PPP2R5C: variants seen among roughly 807,000 people sequenced by gnomAD.
PPP2R5C encodes protein phosphatase 2 regulatory subunit B'gamma, also known as serine/threonine-protein phosphatase 2A 56 kDa regulatory subunit gamma isoform.
A neutral mutation model predicts 68.9 loss-of-function variants in PPP2R5C; 7 were observed. That is an observed-to-expected ratio of 0.10 (90% CI 0.06 to 0.19). The LOEUF (loss-of-function observed/expected upper bound fraction) is 0.19, where lower values mean the gene tolerates loss of function less well. PPP2R5C is among the 10% of genes least tolerant of loss of function. The pLI, the probability that PPP2R5C is intolerant of heterozygous loss-of-function variation, is 1.00. For synonymous variants in PPP2R5C, 210 were observed against 222.2 expected (o/e 0.95, Z 0.49); for missense variants, 348 against 641.3 (o/e 0.54, Z 4.94).
intron 2 of PPP2R5C, among the ~76,000 whole-genome samples, chr14:101,785,334 G>A (rs549137805): frequency 1.6e-4 from 24 of 152,124 alleles, no homozygotes; most frequent in Non-Finnish European, 2.5e-4. Context: ...CTATGTTACC[G>A]TTCTGGCATG....
chr14:101,766,585 A>C (rs936344162), intron 2 of PPP2R5C: 2 of 152,242 alleles, frequency 1.3e-5, no homozygotes, highest in African/African-American at 2.4e-5. Context: ...TCCTTGAATG[A>C]CATGTGTTGG....
intron 1 of PPP2R5C, among the ~76,000 whole-genome samples, chr14:101,832,605 T>C (rs2040814517): frequency 6.6e-6 from 1 of 152,082 alleles, no homozygotes; most frequent in Non-Finnish European, 1.5e-5. Flanking sequence ...ATCTCTTTCT[T>C]GGGTTACAAG....
chr14:101,809,088 TTAATA>T (rs1395988516), upstream of PPP2R5C, among the ~76,000 whole-genome samples: 17 of 152,340 alleles, frequency 1.1e-4, no homozygotes, highest in Admixed American at 9.8e-4. Flanking sequence ...TAAAAGGTAT[TTAATA>T]TGTCAGCATA....
chr14:101,789,067 C>T (rs990136720), intron 3 of PPP2R5C, among the ~76,000 whole-genome samples: 16 of 152,084 alleles, frequency 1.1e-4, no homozygotes, highest in Admixed American at 7.2e-4. Flanking sequence ...TTTCTTTTGC[C>T]GTCACCTTAC....
At chr14:101,870,562 A>G in intron 2 of PPP2R5C, among the ~76,000 whole-genome samples, 1 of 152,174 alleles carries the variant, frequency 6.6e-6, no homozygotes, top group South Asian at 2.1e-4. Flanking sequence ...CTTGATAGTA[A>G]ATTTTGAGAT....
intron 1 of PPP2R5C, chr14:101,818,929 G>A: frequency 7.8e-7 from 1 of 1,281,560 alleles, no homozygotes; most frequent in Non-Finnish European, 1.1e-6. Context: ...TTACTCATGA[G>A]CAATGTGTTC....
Position 101,777,504 on chromosome 14 carries a change from C to A in PPP2R5C, c.94-8514C>A, listed in dbSNP as rs1038773358. ...AGCTGGGATTACAGGCAAGCACCACCATGCCCGGCTAATTTTTGTATTCTT... is the reference window on the plus strand; with the variant it reads ...AGCTGGGATTACAGGCAAGCACCACAATGCCCGGCTAATTTTTGTATTCTT... On this transcript the variant is annotated intron_variant, in intron 2 of 14. Transcript: ENST00000328724. Among the ~76,000 whole-genome samples, 51 of 151,992 alleles carry A rather than the reference C, an allele frequency of 3.4e-4. 3 individuals are homozygous for A. Among genetic ancestry groups the A allele is most frequent in the Admixed American group, 2.6e-4 (4 of 15,272 alleles).
At position 101,852,405 on chromosome 14, in the gene PPP2R5C, T is replaced by C. The variant is rs59804303; in HGVS notation, c.95-4281T>C. ...TCACTGATTAATAACAGGCTTCCCT[T>C]TAGTAAATACGTTTTTTAAAGAATA... On this transcript the variant is annotated intron_variant, in intron 1 of 13. Transcript: ENST00000334743. 8.5e-5 allele frequency among the ~76,000 whole-genome samples: 13 copies of C among 152,312 alleles called. No individual in the cohort carries two copies. In the East Asian group the frequency reaches 2.5e-3, roughly 29 times the overall value.
intron 12 of PPP2R5C, chr14:101,914,537 C>T: frequency 5.8e-6 from 1 of 171,132 alleles, no homozygotes; most frequent in South Asian, 1.3e-4. Flanking sequence ...CTCAGATCTG[C>T]CTGTGGAGAA....
At chr14:101,890,125 G>A (rs956331922) in intron 5 of PPP2R5C, 112 bp from the exon 8 acceptor site, 9 of 975,776 alleles carry the variant, frequency 9.2e-6, no homozygotes, top group Non-Finnish European at 1.4e-5. Flanking sequence ...AGCAGTGTTT[G>A]CACAAATAGA....
At chr14:101,864,797 G>A (rs2042958741) in intron 2 of PPP2R5C, among the ~76,000 whole-genome samples, 2 of 152,136 alleles carry the variant, frequency 1.3e-5, no homozygotes, top group Non-Finnish European at 1.5e-5. Flanking sequence ...TGGATCCTGG[G>A]GAGCTTGATG....
At chr14:101,909,332 GGTCGTTTTTGGCTA>G (rs1253936529) in intron 10 of PPP2R5C, among the ~76,000 whole-genome samples, 3 of 152,184 alleles carry the variant, frequency 2.0e-5, no homozygotes, top group African/African-American at 4.8e-5. Flanking sequence ...TTCTGAGCAA[GGTCGTTTTTGGCTA>G]CTGTCAGCTG....
intron 2 of PPP2R5C, among the ~76,000 whole-genome samples, chr14:101,776,915 C>T (rs2037451448): frequency 7.0e-6 from 1 of 143,692 alleles, no homozygotes; most frequent in South Asian, 2.2e-4. Flanking sequence ...GAGTCTTGCT[C>T]TGTCGCCCAG....
chr14:101,766,511 C>T lies in PPP2R5C; in HGVS notation c.93+3541C>T, dbSNP rs933219436. 6 of 152,298 alleles carry T rather than the reference C, an allele frequency of 3.9e-5. 1 individual carries two copies. The South Asian group carries it at 1.0e-3, about 26-fold the overall frequency. The allele number at this position is 152,298 out of a possible 1,614,324, so 9.4% of individuals were successfully genotyped here. A position where few individuals can be genotyped will look rare whatever the true frequency, so the allele number is the denominator to read the frequency against. On this transcript the variant is annotated intron_variant, in intron 2 of 14. Transcript: ENST00000328724. Reference sequence around the variant, plus strand: ...TGGCAGGCTGTATCTTTCAGTGTAACAAAGTTCTATTAAAGGTCATAACTG... The same window carrying T: ...TGGCAGGCTGTATCTTTCAGTGTAATAAAGTTCTATTAAAGGTCATAACTG...
intron 2 of PPP2R5C, among the ~76,000 whole-genome samples, chr14:101,769,293 T>C (rs1414208816): frequency 6.6e-6 from 1 of 152,248 alleles, no homozygotes; most frequent in East Asian, 1.9e-4. Flanking sequence ...CTGTGTTAGA[T>C]GACCTTCGTT....
At chr14:101,865,297 T>G in intron 2 of PPP2R5C, among the ~76,000 whole-genome samples, 1 of 152,348 alleles carries the variant, frequency 6.6e-6, no homozygotes, top group Non-Finnish European at 1.5e-5. Flanking sequence ...GGACAGCTTT[T>G]CCTTCCGTGT....
chr14:101,921,751 A>AGGT (rs1298476712), intron 13 of PPP2R5C, among the ~76,000 whole-genome samples: 1 of 152,096 alleles, frequency 6.6e-6, no homozygotes, highest in Non-Finnish European at 1.5e-5. Context: ...GAGGTGTGAG[A>AGGT]GGTAGTTGAA....
chr14:101,780,071 T>C (rs923464326), intron 2 of PPP2R5C, among the ~76,000 whole-genome samples: 26 of 152,170 alleles, frequency 1.7e-4, no homozygotes, highest in African/African-American at 6.3e-4. Context: ...CTCTTCACAC[T>C]ACATTATTTT....
intron 1 of PPP2R5C, among the ~76,000 whole-genome samples, chr14:101,822,079 GCCC>G (rs756270809): frequency 0.079 from 2,880 of 36,234 alleles, 41 homozygotes; most frequent in Middle Eastern, 0.28. Context: ...ACCACCCCCT[GCCC>G]CCCCCCCACA....
Sources: allele counts gnomAD v4.1 joint callset (sites outside exome capture counted in the v4.1 genomes callset), GRCh38; gene constraint gnomAD v4.1.1; transcripts MANE v1.5; gene names NCBI Gene and HGNC (gene_info 2026-07-23, HGNC 2026-07-21).